RIMS2: variants seen among roughly 807,000 people sequenced by gnomAD.
RIMS2 encodes the protein regulating synaptic membrane exocytosis protein 2.
RIMS2 carries 59 observed loss-of-function variants against 174.4 expected under a neutral mutation model. The ratio of observed to expected loss-of-function variants is 0.34; its 90% confidence interval spans 0.27 to 0.42. RIMS2 has a LOEUF of 0.42. Among genes scored for constraint, RIMS2 ranks in the 10% least tolerant of loss-of-function variants. RIMS2 has a pLI of 1.00. For missense variants in RIMS2, 1,620 were observed against 1,666.3 expected (o/e 0.97, Z 0.48); for synonymous variants, 606 against 572.5 (o/e 1.06, Z -0.84).
chr8:104,208,339 G>A (rs2137494014), intron 19 of RIMS2, among the ~76,000 whole-genome samples: 1 of 152,086 alleles, frequency 6.6e-6, no homozygotes, highest in South Asian at 2.1e-4. Context: ...AGGCCGAGGG[G>A]GGCAGATCAC....
chr8:104,005,153 C>T (rs990298771), intron 17 of RIMS2, among the ~76,000 whole-genome samples: 1 of 152,204 alleles, frequency 6.6e-6, no homozygotes, highest in African/African-American at 2.4e-5. Flanking sequence ...GCATTGAAAT[C>T]TTCTAGCACT....
intron 3 of RIMS2, among the ~76,000 whole-genome samples, chr8:103,794,728 A>G (rs970253515): frequency 1.3e-5 from 2 of 152,218 alleles, no homozygotes; most frequent in African/African-American, 4.8e-5. Context: ...TACTTAAACA[A>G]ATTTACAAGA....
intron 15 of RIMS2, among the ~76,000 whole-genome samples, chr8:103,972,711 A>C (rs1457528852): frequency 2.6e-5 from 4 of 152,072 alleles, no homozygotes; most frequent in Non-Finnish European, 5.9e-5. Flanking sequence ...CTCTGTGTTT[A>C]TCAGCTTGGA....
intron 1 of RIMS2, among the ~76,000 whole-genome samples, chr8:103,615,404 T>C (rs981239306): frequency 6.6e-6 from 1 of 152,164 alleles, no homozygotes. Flanking sequence ...TTCATAGCAC[T>C]AAATGCCGAC....
At chr8:104,075,100 T>A (rs1376572901) in intron 19 of RIMS2, among the ~76,000 whole-genome samples, 2 of 152,168 alleles carry the variant, frequency 1.3e-5, no homozygotes, top group Non-Finnish European at 2.9e-5. Flanking sequence ...GCTGTTAGTA[T>A]GTAACTCAGC....
intron 5 of RIMS2, chr8:103,910,396 A>T (rs1347268899): frequency 6.3e-7 from 1 of 1,597,892 alleles, no homozygotes; most frequent in East Asian, 2.2e-5. Flanking sequence ...TCTGAGAGAC[A>T]AAAGGAAATG....
At chr8:103,785,632 G>C (rs2098436482) in intron 3 of RIMS2, among the ~76,000 whole-genome samples, 2 of 151,998 alleles carry the variant, frequency 1.3e-5, no homozygotes, top group South Asian at 4.2e-4. Context: ...ACTTGATCAT[G>C]GTGGATAAGC....
chr8:103,817,400 A>G (rs558088442), intron 3 of RIMS2, among the ~76,000 whole-genome samples: 12 of 152,356 alleles, frequency 7.9e-5, no homozygotes, highest in South Asian at 2.1e-4. Context: ...GAAGGAACAT[A>G]GAAAATGGAG....
intron 2 of RIMS2, among the ~76,000 whole-genome samples, chr8:103,721,966 G>A (rs1377480350): frequency 6.6e-6 from 1 of 152,130 alleles, no homozygotes; most frequent in Admixed American, 6.5e-5. Context: ...AGCCGTTTTG[G>A]GGTGGTGAGG....
At chr8:103,700,603 G>C (rs2097156399) in intron 2 of RIMS2, among the ~76,000 whole-genome samples, 1 of 151,672 alleles carries the variant, frequency 6.6e-6, no homozygotes, top group African/African-American at 2.4e-5. Context: ...CTTTTAATTG[G>C]ATGTTTATAA....
chr8:104,095,476 A>C (rs533069136), intron 19 of RIMS2, among the ~76,000 whole-genome samples: 1 of 152,184 alleles, frequency 6.6e-6, no homozygotes. Flanking sequence ...CAGGGAAAAA[A>C]TACAGGCAGC....
intron 1 of RIMS2, among the ~76,000 whole-genome samples, chr8:103,578,207 G>A (rs981707656): frequency 6.6e-6 from 1 of 152,142 alleles, no homozygotes; most frequent in Non-Finnish European, 1.5e-5. Flanking sequence ...ACAAAGAGAG[G>A]ATTCTAAATG....
At chr8:103,869,034 T>C (rs35220144) in intron 3 of RIMS2, among the ~76,000 whole-genome samples, 60,790 of 151,544 alleles carry the variant, frequency 0.4, 12,586 homozygotes, top group African/African-American at 0.44. Flanking sequence ...GATTATTTTT[T>C]CAGCTCTTTA....
At chr8:103,792,637 GTTTTTTTTTT>G (rs57893772) in intron 3 of RIMS2, among the ~76,000 whole-genome samples, 3 of 137,574 alleles carry the variant, frequency 2.2e-5, no homozygotes, top group Non-Finnish European at 4.6e-5. Context: ...CCAGGAGCTG[GTTTTTTTTTT>G]TTTTTTTTAA....
intron 3 of RIMS2, among the ~76,000 whole-genome samples, chr8:103,812,690 C>G (rs1016772639): frequency 3.9e-5 from 6 of 152,064 alleles, no homozygotes; most frequent in African/African-American, 1.4e-4. Context: ...CCCAAATTAC[C>G]TTTTTTGAAT....
intron 19 of RIMS2, among the ~76,000 whole-genome samples, chr8:104,207,836 A>G (rs939334970): frequency 1.3e-5 from 2 of 149,296 alleles, no homozygotes; most frequent in Admixed American, 1.3e-4. Context: ...ATATATGTAT[A>G]TAATATATAT....
intron 1 of RIMS2, among the ~76,000 whole-genome samples, chr8:103,585,083 A>C (rs900566417): frequency 2.6e-5 from 4 of 152,196 alleles, no homozygotes; most frequent in East Asian, 1.9e-4. Flanking sequence ...GAGTCTGTTG[A>C]TATGAACAGA....
intron 1 of RIMS2, among the ~76,000 whole-genome samples, chr8:103,602,161 G>A (rs1477227766): frequency 1.3e-5 from 2 of 151,638 alleles, no homozygotes; most frequent in African/African-American, 2.4e-5. Flanking sequence ...AATTTTTTTG[G>A]TATATTTAGT....
At chr8:104,230,958 G>A (rs2099224426) in intron 19 of RIMS2, among the ~76,000 whole-genome samples, 1 of 151,974 alleles carries the variant, frequency 6.6e-6, no homozygotes, top group South Asian at 2.1e-4. Context: ...TTAAAATGTT[G>A]GCACATGAAT....
Sources: allele counts gnomAD v4.1 joint callset (sites outside exome capture counted in the v4.1 genomes callset), GRCh38; gene constraint gnomAD v4.1.1; transcripts MANE v1.5; gene names NCBI Gene and HGNC (gene_info 2026-07-23, HGNC 2026-07-21).